The following OR6B1 variants were observed in gnomAD, a reference collection of about 807,000 sequenced individuals.
OR6B1 encodes olfactory receptor 6B1.
A neutral mutation model predicts 15.4 loss-of-function variants in OR6B1; 15 were observed. The ratio of observed to expected loss-of-function variants is 0.97; its 90% CI spans 0.65 to 1.50. The LOEUF (loss-of-function observed/expected upper bound fraction) is 1.50. Among genes scored for constraint, OR6B1 ranks in the 40% most tolerant of loss-of-function variants. The pLI, the probability that OR6B1 is intolerant of heterozygous loss-of-function variation, is 0.00. For missense variants in OR6B1, 384 were observed against 385.0 expected, an observed-to-expected ratio of 1.00 and a Z score of 0.02; for synonymous variants, 139 against 144.9, an observed-to-expected ratio of 0.96 and a Z score of 0.29.
chr7:144,004,338 T>C lies in OR6B1; in HGVS notation c.342T>C (p.Leu114=), dbSNP rs2050606483. The C allele has an allele frequency of 6.2e-7, 1 of 1,614,104 alleles. No homozygotes were observed. The highest frequency in any genetic ancestry group is 1.3e-5 in the African/African-American group (1 of 74,938). Residue 114 remains leucine, a synonymous_variant, in exon 2 of 2, where the codon CTT becomes CTC. Coordinates refer to ENST00000641698, the MANE Select transcript of OR6B1 (RefSeq NM_001005281.3). ...CTCTCATGTGCACAGAATGTGTGCT[T>C]CTGGCCGCCATGGCCTATGACCGGT... ...FIALMCTECV[L]LAAMAYDRYV... is the part of the protein sequence containing the mutation.
Position 144,007,688 on chromosome 7 carries a change from G to T in OR6B1, c.*2756G>T, listed in dbSNP as rs866058718. 1 of 151,966 alleles carries T rather than the reference G, an allele frequency of 6.6e-6. No homozygotes were observed. Among genetic ancestry groups the T allele is most frequent in the Non-Finnish European group, 1.5e-5 (1 of 67,990 alleles). The allele number at this position is 151,966 out of a possible 1,614,324, so 9.4% of individuals were successfully genotyped here. A position where few individuals can be genotyped will look rare whatever the true frequency, so the allele number is the denominator to read the frequency against. On this transcript the variant is annotated 3_prime_UTR_variant, in exon 2 of 2. Transcript: ENST00000641698. ...AGATAATACCTTTGTGTGTGTGTGT[G>T]TGTGTGTGTATACATATATATATCT... is the stretch of plus-strand genomic sequence containing the variant.
rs2050609754 is a variant in OR6B1, at chr7:144,004,523, ACTT to A, written c.533_535del (p.Phe178del). 2.5e-6 allele frequency: 4 copies of A among 1,614,066 alleles called. No individual in the cohort carries two copies. Among genetic ancestry groups the A allele is most frequent in the Admixed American group, 1.7e-5 (1 of 60,002 alleles). Reference sequence around the variant, plus strand: ...TTCTGTGGTCCCAATGTCATCAACCACTTCTTCTGTGACATCTCTCCAGTACTT... The same window carrying A: ...TTCTGTGGTCCCAATGTCATCAACCACTTCTGTGACATCTCTCCAGTACTT... On this transcript the variant is annotated inframe_deletion, in exon 2 of 2. Transcript: ENST00000641698.
intron 1 of OR6B1, among the ~76,000 whole-genome samples, chr7:144,002,862 C>T (rs1023105096): frequency 2.0e-5 from 3 of 152,058 alleles, no homozygotes; most frequent in Non-Finnish European, 4.4e-5. Context: ...ATCATATCTC[C>T]TTCAGCACAG....
chr7:144,007,674 T>TTGTGTG lies in OR6B1; in HGVS notation c.*2760_*2765dup, dbSNP rs1554406245. 30 of 149,736 alleles carry TTGTGTG rather than the reference T, an allele frequency of 2.0e-4. No homozygotes were observed. The highest frequency in any genetic ancestry group is 5.9e-4 in the African/African-American group (24 of 40,734). 9.3% of individuals were successfully genotyped at this position (149,736 alleles called of 1,614,324 possible). On this transcript the variant is annotated 3_prime_UTR_variant, in exon 2 of 2. Transcript: ENST00000641698. ...CAGAAACAGATAGCAGATAATACCT[T>TTGTGTG]TGTGTGTGTGTGTGTGTGTGTGTAT...
chr7:144,004,745 A>G lies in OR6B1; in HGVS notation c.749A>G (p.Tyr250Cys), dbSNP rs1271278578. Residue 250 changes from tyrosine to cysteine, a missense_variant, in exon 2 of 2, where the codon TAT (tyrosine) becomes TGT (cysteine). Transcript: ENST00000641698. ...CATCTTGTGGTGGTCACCATTTTCT[A>G]TTCAGCCATTATTTTCATGTATGCT... ...ASHLVVVTIFYSAIIFMYARP... is the reference protein window; with the variant it reads ...ASHLVVVTIFCSAIIFMYARP... 7.4e-6 allele frequency: 12 copies of G among 1,614,168 alleles called. No individual in the cohort carries two copies. Among genetic ancestry groups the G allele is most frequent in the East Asian group, 2.2e-5 (1 of 44,886 alleles).
intron 1 of OR6B1, among the ~76,000 whole-genome samples, chr7:144,001,827 CT>C (rs1284307915): frequency 1.3e-5 from 2 of 152,192 alleles, no homozygotes; most frequent in African/African-American, 4.8e-5. Context: ...TCTGATTCAT[CT>C]GCCAAAAATG....
In OR6B1 at chr7:144,006,154, C is replaced by T. The variant is rs2050622861; in HGVS notation, c.*1222C>T. The T allele has an allele frequency of 6.6e-6, 1 of 152,118 alleles. No homozygotes were observed. Among genetic ancestry groups the T allele is most frequent in the Admixed American group, 6.5e-5 (1 of 15,276 alleles). 9.4% of individuals were successfully genotyped at this position (152,118 alleles called of 1,614,324 possible). On this transcript the variant is annotated 3_prime_UTR_variant, in exon 2 of 2. Transcript: ENST00000641698. ...GAAACGTGAGGCAGAATTATTTGTT[C>T]CATTTTATAAACTTCCAGAACAGAT...
At position 144,006,930 on chromosome 7, in the gene OR6B1, A is replaced by G. The variant is rs1190576321; in HGVS notation, c.*1998A>G. On this transcript the variant is annotated 3_prime_UTR_variant, in exon 2 of 2. Coordinates refer to ENST00000641698, the MANE Select transcript of OR6B1 (RefSeq NM_001005281.3). ...ACATTGATTGTTAAATATCTTGGGC[A>G]GTGCATGATCTAAGCAAGCTGCCAC... 1 of 152,208 alleles carries G rather than the reference A, an allele frequency of 6.6e-6. No individual in the cohort carries two copies. Among genetic ancestry groups the G allele is most frequent in the Non-Finnish European group, 1.5e-5 (1 of 68,044 alleles). The allele number at this position is 152,208 out of a possible 1,614,324, so 9.4% of individuals were successfully genotyped here.
At chr7:144,003,329 T>C (rs2050596374) in intron 1 of OR6B1, among the ~76,000 whole-genome samples, 1 of 152,216 alleles carries the variant, frequency 6.6e-6, no homozygotes, top group African/African-American at 2.4e-5. Flanking sequence ...ATATTCACAT[T>C]GACGGAAGAG....
intron 1 of OR6B1, 161 bp from the exon 2 acceptor site, chr7:144,003,811 G>A (rs967530401): frequency 3.2e-5 from 12 of 378,134 alleles, no homozygotes; most frequent in South Asian, 2.2e-4. Flanking sequence ...ACACACACAC[G>A]GCTATGTGGA....
rs2050602562 is a variant in OR6B1 at position 144,004,076 on chromosome 7, T to C, written c.80T>C (p.Met27Thr). 1 of 1,613,968 alleles carries C rather than the reference T, an allele frequency of 6.2e-7. No homozygotes were observed. Among genetic ancestry groups the C allele is most frequent in the East Asian group, 2.2e-5 (1 of 44,880 alleles). ...FPGSLSMRAA[M>T]FLIFLVAYIL... is the part of the protein sequence containing the mutation. ...GGGAGCTTGAGTATGCGGGCAGCCA[T>C]GTTTCTGATATTCCTTGTGGCCTAT... is the stretch of plus-strand genomic sequence containing the variant. Residue 27 changes from methionine (M) to threonine (T), a missense_variant, in exon 2 of 2, where the codon ATG (methionine) becomes ACG (threonine). Met to Thr is a moderately conservative substitution (Grantham distance 81). Coordinates refer to ENST00000641698, the MANE Select transcript of OR6B1 (RefSeq NM_001005281.3).
In OR6B1 at chr7:144,003,773, T is replaced by TCACACACACACACA. The variant is rs766413477; in HGVS notation, c.-25-175_-25-162dup. On this transcript the variant is annotated intron_variant, in intron 1 of 1. Coordinates refer to ENST00000641698, the MANE Select transcript of OR6B1 (RefSeq NM_001005281.3). The stretch of plus-strand genomic sequence containing the variant: ...TTCTTCATCTTTAAAACAGATACAA[T>TCACACACACACACA]CACACACACACACACACACACACAC... 9.6e-4 allele frequency among the ~76,000 whole-genome samples: 135 copies of TCACACACACACACA among 140,228 alleles called. 1 individual carries two copies. The highest frequency in any genetic ancestry group is 2.3e-3 in the African/African-American group (89 of 38,570). 92.0% of individuals were successfully genotyped at this position (140,228 alleles called of 152,430 possible). A position where few individuals can be genotyped will look rare whatever the true frequency, so the allele number is the denominator to read the frequency against.
chr7:144,004,129 A>G lies in OR6B1; in HGVS notation c.133A>G (p.Ile45Val), dbSNP rs754330532. 1 of 1,614,142 alleles carries G rather than the reference A, an allele frequency of 6.2e-7. No individual in the cohort carries two copies. Among genetic ancestry groups the G allele is most frequent in the Non-Finnish European group, 8.5e-7 (1 of 1,180,040 alleles). The change falls in exon 2 of 2, where the codon ATC becomes GTC. Residue 45 changes from isoleucine (I) to valine (V), a missense_variant. Transcript: ENST00000641698. Reference sequence around the variant, plus strand: ...TCTGACAGTGGCTGAAAACGTGATCATCATCCTATTGGTGCTGCAAAATCG... The same window carrying G: ...TCTGACAGTGGCTGAAAACGTGATCGTCATCCTATTGGTGCTGCAAAATCG... Reference protein sequence around the residue: ...YILTVAENVIIILLVLQNRPL... With the variant: ...YILTVAENVIVILLVLQNRPL...
At chr7:144,003,766 G>C in intron 1 of OR6B1, among the ~76,000 whole-genome samples, 1 of 112,610 alleles carries the variant, frequency 8.9e-6, no homozygotes, top group African/African-American at 4.0e-5. Context: ...CTTTAAAACA[G>C]ATACAATCAC....
At chr7:144,003,833 G>T (rs552800242) in intron 1 of OR6B1, 139 bp from the exon 2 acceptor site, 3 of 549,092 alleles carry the variant, frequency 5.5e-6, no homozygotes, top group Admixed American at 3.2e-5. Context: ...ATTAAATTAC[G>T]TTGTGTGCCT....
At position 144,004,872 on chromosome 7, in the gene OR6B1, C is replaced by T. The variant is rs1341820453; in HGVS notation, c.876C>T (p.Asn292=). 2 of 1,612,146 alleles carry T rather than the reference C, an allele frequency of 1.2e-6. No homozygotes were observed. The highest frequency in any genetic ancestry group is 1.7e-6 in the Non-Finnish European group (2 of 1,179,952). The part of the protein sequence containing the change: ...SLNPFIYCLR[N]REVKEALKKL... ...ACCCTTTCATTTATTGCCTAAGAAA[C>T]CGAGAGGTCAAGGAAGCTCTGAAGA... Residue 292 remains asparagine, a synonymous_variant, in exon 2 of 2, where the codon AAC becomes AAT. Coordinates refer to ENST00000641698, the MANE Select transcript of OR6B1 (RefSeq NM_001005281.3).
rs186162111 is a variant in OR6B1, at chr7:144,000,575, T to G, written c.-101T>G. ...TCTATTCAATACCTGAATCTTTTTCTTCTGCATCTTCCTATTTTAGAATTG... is the reference window on the plus strand; with the variant it reads ...TCTATTCAATACCTGAATCTTTTTCGTCTGCATCTTCCTATTTTAGAATTG... On this transcript the variant is annotated 5_prime_UTR_variant, in exon 1 of 2. Coordinates refer to ENST00000641698, the MANE Select transcript of OR6B1 (RefSeq NM_001005281.3). The G allele has an allele frequency of 6.5e-6, 1 of 152,770 alleles. No individual in the cohort carries two copies. Among genetic ancestry groups the G allele is most frequent in the East Asian group, 1.9e-4 (1 of 5,186 alleles). 9.5% of individuals were successfully genotyped at this position (152,770 alleles called of 1,614,324 possible).
chr7:144,003,505 G>C (rs905931115), intron 1 of OR6B1, among the ~76,000 whole-genome samples: 1 of 152,060 alleles, frequency 6.6e-6, no homozygotes, highest in African/African-American at 2.4e-5. Context: ...CTATCTCCAG[G>C]GATGGTAGAT....
At chr7:144,002,882 A>C (rs1286485630) in intron 1 of OR6B1, among the ~76,000 whole-genome samples, 2 of 151,626 alleles carry the variant, frequency 1.3e-5, no homozygotes, top group East Asian at 1.9e-4. Context: ...GCTCCCTACA[A>C]CCTCAGCCCT....
Sources: gnomAD v4.1 joint callset for allele counts (sites outside exome capture counted in the v4.1 genomes callset) on GRCh38, gnomAD v4.1.1 for gene constraint, MANE v1.5 for transcripts, NCBI Gene and HGNC (gene_info 2026-07-23, HGNC 2026-07-21) for gene names.